Variants in IGSF22 observed in about 807,000 individuals in gnomAD.
IGSF22 encodes immunoglobulin superfamily member 22.
A neutral mutation model predicts 127.0 loss-of-function variants in IGSF22; 119 were observed. The ratio of observed to expected loss-of-function variants is 0.94; its 90% CI spans 0.81 to 1.09. The LOEUF (loss-of-function observed/expected upper bound fraction) is 1.09. IGSF22 is among the 50% of genes least tolerant of loss of function. The pLI is 0.00. For missense variants in IGSF22, 1,518 were observed against 1,716.6 expected (o/e 0.88, Z 2.04); for synonymous variants, 568 against 664.7 (o/e 0.85, Z 2.24).
Position 18,724,172 on chromosome 11 carries a change from G to C in IGSF22, c.65C>G (p.Thr22Ser). Reference sequence around the variant, plus strand: ...CTGGGAGAAGGTCTGCACGTGGGTGGTGGAGCTGGAGAACTCCATGGACAC... The same window carrying C: ...CTGGGAGAAGGTCTGCACGTGGGTGCTGGAGCTGGAGAACTCCATGGACAC... ...EHVSMEFSSS[T>S]THVQTFSQTT... Residue 22 changes from threonine (T) to serine (S), a missense_variant, in exon 2 of 23, where the codon ACC becomes AGC. Coordinates refer to ENST00000513874, the MANE Select transcript of IGSF22 (RefSeq NM_173588.4). 9.3e-6 allele frequency: 15 copies of C among 1,614,048 alleles called. No individual in the cohort carries two copies. The highest frequency in any genetic ancestry group is 1.3e-5 in the Non-Finnish European group (15 of 1,179,912).
intron 20 of IGSF22, 90 bp from the exon 21 acceptor site, chr11:18,707,303 A>C: frequency 8.6e-7 from 1 of 1,169,554 alleles, no homozygotes; most frequent in Non-Finnish European, 1.2e-6. Context: ...GATGGAAGAT[A>C]AGATGGGGCA....
intron 22 of IGSF22, 77 bp downstream of exon 22, chr11:18,705,740 T>C: frequency 7.6e-7 from 1 of 1,315,416 alleles, no homozygotes; most frequent in Non-Finnish European, 1.0e-6. Flanking sequence ...GCCAGCCAAA[T>C]AGTTGACCAA....
At chr11:18,704,909 G>A (rs1246180865) in intron 22 of IGSF22, 1 of 246,020 alleles carries the variant, frequency 4.1e-6, no homozygotes, top group East Asian at 9.1e-5. Context: ...TGGAATGAAA[G>A]CTGGATAGCA....
At chr11:18,711,555 A>G (rs983081487) in intron 15 of IGSF22, among the ~76,000 whole-genome samples, 3 of 151,926 alleles carry the variant, frequency 2.0e-5, no homozygotes, top group African/African-American at 7.3e-5. Flanking sequence ...CCGCCACCAC[A>G]CCCAGCTAAT....
At position 18,707,869 on chromosome 11, in the gene IGSF22, AC is replaced by A; in HGVS notation, c.3214del (p.Val1072CysfsTer41). 3.1e-6 allele frequency: 5 copies of A among 1,613,994 alleles called. No individual in the cohort carries two copies. Among genetic ancestry groups the A allele is most frequent in the Non-Finnish European group, 3.4e-6 (4 of 1,179,986 alleles). On this transcript the variant is annotated frameshift_variant, in exon 20 of 23. Coordinates refer to ENST00000513874, the MANE Select transcript of IGSF22 (RefSeq NM_173588.4). LOFTEE classifies it high-confidence loss of function. ...INSTKRSDSG[V>X]YRILLQNEFG... Reference sequence around the variant, plus strand: ...CTCATTCTGAAGCAAGATTCGGTACACCCCTGAGTCAGAGCGCTTGGTGCTA... The same window carrying A: ...CTCATTCTGAAGCAAGATTCGGTACACCCTGAGTCAGAGCGCTTGGTGCTA...
Position 18,706,867 on chromosome 11 carries a change from C to T in IGSF22, c.3580+47G>A, listed in dbSNP as rs1848246095. The T allele has an allele frequency of 8.5e-6, 12 of 1,412,044 alleles. No individual in the cohort carries two copies. In the East Asian group the frequency reaches 3.0e-4, roughly 36 times the overall value. The allele number at this position is 1,412,044 out of a possible 1,614,324, so 87.5% of individuals were successfully genotyped here. A position where few individuals can be genotyped will look rare whatever the true frequency, so the allele number is the denominator to read the frequency against. The stretch of plus-strand genomic sequence containing the variant: ...CTTTGGGACCCTTATGTCATCCCCA[C>T]CATCAGGGCACCCAGACTTAACCCT... On this transcript the variant is annotated intron_variant, in intron 21 of 22. Coordinates refer to ENST00000513874, the MANE Select transcript of IGSF22 (RefSeq NM_173588.4).
In IGSF22 at chr11:18,714,585, T is replaced by G. The variant is rs1848425017; in HGVS notation, c.1571A>C (p.His524Pro). 1 of 1,614,166 alleles carries G rather than the reference T, an allele frequency of 6.2e-7. No homozygotes were observed. Among genetic ancestry groups the G allele is most frequent in the Non-Finnish European group, 8.5e-7 (1 of 1,180,040 alleles). ...ATVKSGMSDV[H>P]AATGSPAELC... ...CTCAGCTGGGCTCCCAGTGGCCGCG[T>G]GCACGTCGGACATCCCGCTCTTCAC... The change falls in exon 12 of 23, where the codon CAC becomes CCC. Residue 524 changes from histidine (H) to proline (P), a missense_variant. This residue lies in a region of IGSF22 where 1,456 missense variants were observed against 1,644.9 expected (regional missense o/e 0.89). Coordinates refer to ENST00000513874, the MANE Select transcript of IGSF22 (RefSeq NM_173588.4).
In IGSF22 at chr11:18,722,003, ACTC is replaced by A. The variant is rs1156859084; in HGVS notation, c.145_147del (p.Glu49del). Reference sequence around the variant, plus strand: ...GAGCTCCGGGTCACTAAGCTGAAGAACTCCACTATGCTCGAGGACTTCCTCCTC... The same window carrying A: ...GAGCTCCGGGTCACTAAGCTGAAGAACACTATGCTCGAGGACTTCCTCCTC... On this transcript the variant is annotated inframe_deletion, in exon 3 of 23. Transcript: ENST00000513874. 6.2e-7 allele frequency: 1 copy of A among 1,613,572 alleles called. No homozygotes were observed. Among genetic ancestry groups the A allele is most frequent in the African/African-American group, 1.3e-5 (1 of 74,746 alleles).
In IGSF22 at chr11:18,715,728, C is replaced by T; in HGVS notation, c.1247-12G>A. 1 of 1,600,990 alleles carries T rather than the reference C, an allele frequency of 6.2e-7. No homozygotes were observed. The highest frequency in any genetic ancestry group is 8.5e-7 in the Non-Finnish European group (1 of 1,173,332). On this transcript the variant is annotated splice_polypyrimidine_tract_variant and intron_variant, in intron 10 of 22. Transcript: ENST00000513874. ...CTTGATGGGGATGCCTGTGGACAGA[C>T]AGACACTTGGGCCTGCTCCCAAACC...
In IGSF22 at chr11:18,710,839, AAG is replaced by A. The variant is rs1564869856; in HGVS notation, c.2399-13_2399-12del. 6.8e-6 allele frequency: 11 copies of A among 1,608,936 alleles called. No homozygotes were observed. In the South Asian group the frequency reaches 1.1e-4, roughly 16 times the overall value. On this transcript the variant is annotated splice_polypyrimidine_tract_variant and intron_variant, in intron 15 of 22. Coordinates refer to ENST00000513874, the MANE Select transcript of IGSF22 (RefSeq NM_173588.4). The stretch of plus-strand genomic sequence containing the variant: ...CAAAACCAGGAGGCTCTGTGGGGGA[AAG>A]AGAGAGTGCAAAGGTTAGGAGGGGG...
chr11:18,706,705 G>T, intron 21 of IGSF22: 1 of 501,040 alleles, frequency 2.0e-6, no homozygotes, highest in Non-Finnish European at 3.5e-6. Context: ...TGCCCCCAAA[G>T]GTACCTCCCC....
intron 22 of IGSF22, 56 bp downstream of exon 22, chr11:18,705,761 G>A (rs1425262960): frequency 7.6e-6 from 11 of 1,448,092 alleles, no homozygotes; most frequent in African/African-American, 1.4e-5. Context: ...TGGCCCACAA[G>A]ACCAGCCTTT....
At position 18,709,778 on chromosome 11, in the gene IGSF22, T is replaced by C; in HGVS notation, c.2702-95A>G. 7.9e-7 allele frequency: 1 copy of C among 1,265,014 alleles called. No individual in the cohort carries two copies. The highest frequency in any genetic ancestry group is 1.1e-6 in the Non-Finnish European group (1 of 914,776). The allele number at this position is 1,265,014 out of a possible 1,614,324, so 78.4% of individuals were successfully genotyped here. A position where few individuals can be genotyped will look rare whatever the true frequency, so the allele number is the denominator to read the frequency against. The stretch of plus-strand genomic sequence containing the variant: ...ACTCAATACTCCTGAACCCCATCCT[T>C]CACTACTTCTAGCTCCAGATCCCTC... On this transcript the variant is annotated intron_variant, in intron 17 of 22. Coordinates refer to ENST00000513874, the MANE Select transcript of IGSF22 (RefSeq NM_173588.4). The surrounding 1 kb of genome is among the most constrained non-coding windows in gnomAD (Gnocchi z 4.8).
At chr11:18,721,726 G>A in intron 3 of IGSF22, 55 bp from the exon 4 acceptor site, 1 of 1,606,724 alleles carries the variant, frequency 6.2e-7, no homozygotes, top group South Asian at 1.1e-5. Flanking sequence ...TAGAGCCTCT[G>A]CCACCCTCTG....
At position 18,717,007 on chromosome 11, in the gene IGSF22, C is replaced by A. The variant is rs371121589; in HGVS notation, c.974-7G>T. 1 of 1,613,906 alleles carries A rather than the reference C, an allele frequency of 6.2e-7. No homozygotes were observed. Among genetic ancestry groups the A allele is most frequent in the Non-Finnish European group, 8.5e-7 (1 of 1,179,848 alleles). ...AGGAACTTCAGTGGCTCATCTGCAG[C>A]AAACAGTAGGAGTGGTAGTCATTGG... is the stretch of plus-strand genomic sequence containing the variant. On this transcript the variant is annotated splice_region_variant and splice_polypyrimidine_tract_variant and intron_variant, in intron 9 of 22. Transcript: ENST00000513874.
intron 7 of IGSF22, 69 bp downstream of exon 7, chr11:18,719,647 C>T (rs1267370771): frequency 6.7e-6 from 10 of 1,484,864 alleles, no homozygotes; most frequent in Admixed American, 3.9e-5. Flanking sequence ...GAGAAATACA[C>T]AGGCACTAGC....
chr11:18,718,413 G>A (rs150543479), intron 8 of IGSF22, among the ~76,000 whole-genome samples: 12 of 152,298 alleles, frequency 7.9e-5, no homozygotes, highest in African/African-American at 2.6e-4. Flanking sequence ...CTGAGGCATA[G>A]AGAGAGGAAT....
In IGSF22 at chr11:18,719,748, G is replaced by A; in HGVS notation, c.664C>T (p.Leu222Phe). 1 of 1,614,150 alleles carries A rather than the reference G, an allele frequency of 6.2e-7. No homozygotes were observed. The highest frequency in any genetic ancestry group is 1.1e-5 in the South Asian group (1 of 91,084). ...TCTACTTTCTTCTTCATCTCTTTGA[G>A]CTTCCTGAGCAGCCCCCGAAAGTCG... Reference protein sequence around the residue: ...FTDFRGLLRKLKEMKKKVEVE... With the variant: ...FTDFRGLLRKFKEMKKKVEVE... Residue 222 changes from leucine to phenylalanine, a missense_variant, in exon 7 of 23, where the codon CTC becomes TTC. By Grantham distance (22) the Leu-to-Phe change is conservative. This residue lies in a region of IGSF22 where 1,456 missense variants were observed against 1,644.9 expected (regional missense o/e 0.89). Transcript: ENST00000513874.
rs762481905 is a variant in IGSF22, at chr11:18,706,106, C to T, written c.3621G>A (p.Lys1207=). 3 of 1,545,674 alleles carry T rather than the reference C, an allele frequency of 1.9e-6. No homozygotes were observed. Among genetic ancestry groups the T allele is most frequent in the Non-Finnish European group, 2.6e-6 (3 of 1,146,212 alleles). The part of the protein sequence containing the change: ...LSAKLKPYEK[K]DWRHAPRFVT... ...CGAAGCGCGGCGCGTGGCGCCAGTC[C>T]TTCTTCTCGTAGGGCTTGAGCTTGG... Residue 1207 remains lysine (K), a synonymous_variant, in exon 22 of 23, where the codon AAG becomes AAA. Coordinates refer to ENST00000513874, the MANE Select transcript of IGSF22 (RefSeq NM_173588.4).
Sources: allele counts gnomAD v4.1 joint callset (sites outside exome capture counted in the v4.1 genomes callset), GRCh38; gene constraint gnomAD v4.1.1; regional missense constraint gnomAD v4.1.1; non-coding constraint Gnocchi (gnomAD v3.1); transcripts MANE v1.5; gene names NCBI Gene and HGNC (gene_info 2026-07-23, HGNC 2026-07-21).